Variants in TEAD4 observed in about 807,000 individuals in gnomAD.
TEAD4 encodes the protein TEA domain transcription factor 4.
TEAD4 carries 36 observed loss-of-function variants against 52.4 expected under a neutral mutation model. The ratio of observed to expected loss-of-function variants is 0.69; its 90% CI spans 0.53 to 0.91. The LOEUF is 0.91. TEAD4 is among the 40% of genes least tolerant of loss of function. The pLI is 0.00. For synonymous variants in TEAD4, 220 were observed against 231.0 expected, an observed-to-expected ratio of 0.95 and a Z score of 0.43; for missense variants, 508 against 583.9, an observed-to-expected ratio of 0.87 and a Z score of 1.34.
intron 2 of TEAD4, among the ~76,000 whole-genome samples, chr12:2,992,563 C>T (rs1326478674): frequency 6.6e-6 from 1 of 152,146 alleles, no homozygotes; most frequent in Non-Finnish European, 1.5e-5. Flanking sequence ...GCGAGGAATG[C>T]TCTGGGAGGT....
intron 3 of TEAD4, among the ~76,000 whole-genome samples, chr12:3,000,350 T>C (rs55820147): frequency 0.065 from 9,843 of 152,170 alleles, 417 homozygotes; most frequent in Non-Finnish European, 0.099. Context: ...GGCTGGGAAG[T>C]CCAAGGTTGA....
At chr12:3,019,409 T>C (rs547475052) in intron 8 of TEAD4, among the ~76,000 whole-genome samples, 1 of 152,196 alleles carries the variant, frequency 6.6e-6, no homozygotes, top group Non-Finnish European at 1.5e-5. Flanking sequence ...CCCTCAAAGC[T>C]GTGCTCAGGG....
At position 2,966,195 on chromosome 12, in the gene TEAD4, G is replaced by A. The variant is rs373028163; in HGVS notation, c.-30+6155G>A. ...AATGATCTTCTTGGTACAAGAGAAA[G>A]CAGTGTGGTCTGGCTGATACAGCAG... On this transcript the variant is annotated intron_variant, in intron 2 of 12. Coordinates refer to ENST00000359864, the MANE Select transcript of TEAD4 (RefSeq NM_003213.4). 1.1e-4 allele frequency among the ~76,000 whole-genome samples: 17 copies of A among 152,254 alleles called. No homozygotes were observed. In the East Asian group the frequency reaches 2.3e-3, roughly 21 times the overall value.
intron 2 of TEAD4, among the ~76,000 whole-genome samples, chr12:2,993,035 A>G (rs1381009729): frequency 1.3e-5 from 2 of 152,164 alleles, no homozygotes; most frequent in African/African-American, 2.4e-5. Context: ...TTTCAGAAAG[A>G]GCCTGAGTTG....
chr12:2,966,632 C>T (rs1420105753), intron 2 of TEAD4, among the ~76,000 whole-genome samples: 2 of 151,772 alleles, frequency 1.3e-5, no homozygotes, highest in South Asian at 2.1e-4. Flanking sequence ...AGACTGGTTT[C>T]GAACTCCTGA....
chr12:2,975,178 ACAAAC>A (rs1565524846), intron 2 of TEAD4, among the ~76,000 whole-genome samples: 2 of 145,088 alleles, frequency 1.4e-5, no homozygotes, highest in African/African-American at 2.5e-5. Flanking sequence ...CTTAAAACAA[ACAAAC>A]AAAAAAAGAC....
intron 5 of TEAD4, 130 bp downstream of exon 5, chr12:3,012,362 G>A (rs1437650353): frequency 2.0e-6 from 2 of 991,096 alleles, no homozygotes; most frequent in Middle Eastern, 3.1e-4. Context: ...AGGAGAGCCA[G>A]GTTGGGCCTG....
At chr12:2,970,570 GA>G (rs1375676995) in intron 2 of TEAD4, among the ~76,000 whole-genome samples, 1 of 152,220 alleles carries the variant, frequency 6.6e-6, no homozygotes, top group Non-Finnish European at 1.5e-5. Context: ...GATGTGTGTG[GA>G]AAAACCCAAT....
intron 2 of TEAD4, among the ~76,000 whole-genome samples, chr12:2,966,109 A>T (rs529931124): frequency 3.0e-4 from 45 of 152,330 alleles, no homozygotes; most frequent in African/African-American, 9.9e-4. Flanking sequence ...TCACTCTACC[A>T]AGTCTTGGAG....
At chr12:3,022,438 T>A (rs975302497) in intron 10 of TEAD4, among the ~76,000 whole-genome samples, 1 of 152,144 alleles carries the variant, frequency 6.6e-6, no homozygotes, top group Admixed American at 6.5e-5. Flanking sequence ...GGTGCTCGCG[T>A]CCAAGGCATG....
At chr12:2,987,563 T>G (rs1010297877) in intron 2 of TEAD4, among the ~76,000 whole-genome samples, 5 of 151,636 alleles carry the variant, frequency 3.3e-5, no homozygotes, top group Non-Finnish European at 7.4e-5. Flanking sequence ...GCCTCCCGAG[T>G]AGCTGGGACT....
At chr12:2,979,617 A>T (rs2098232590) in intron 2 of TEAD4, among the ~76,000 whole-genome samples, 1 of 152,224 alleles carries the variant, frequency 6.6e-6, no homozygotes, top group Non-Finnish European at 1.5e-5. Flanking sequence ...TAGAAATTTT[A>T]GCAAGTTGGC....
intron 2 of TEAD4, among the ~76,000 whole-genome samples, chr12:2,961,984 C>T (rs1337764095): frequency 1.3e-5 from 2 of 152,026 alleles, no homozygotes; most frequent in Non-Finnish European, 2.9e-5. Context: ...GCTTTGTCAC[C>T]AGAGAACAGA....
At chr12:3,021,347 T>C (rs2098268591) in intron 9 of TEAD4, among the ~76,000 whole-genome samples, 1 of 150,236 alleles carries the variant, frequency 6.7e-6, no homozygotes, top group Non-Finnish European at 1.5e-5. Flanking sequence ...CCTCACTCTG[T>C]CACCCAGGCT....
chr12:2,979,309 C>T (rs189899362), intron 2 of TEAD4, among the ~76,000 whole-genome samples: 122 of 152,318 alleles, frequency 8.0e-4, no homozygotes, highest in Non-Finnish European at 1.1e-3. Flanking sequence ...GGGCTGCTTC[C>T]CCTTTTGACT....
chr12:3,014,911 G>A (rs1268963960), intron 5 of TEAD4, among the ~76,000 whole-genome samples: 2 of 152,202 alleles, frequency 1.3e-5, no homozygotes, highest in East Asian at 1.9e-4. Flanking sequence ...CGAGGTCTTC[G>A]GGCTCGCAAG....
chr12:3,039,642 T>C (rs1214227711), intron 11 of TEAD4, among the ~76,000 whole-genome samples: 1 of 152,130 alleles, frequency 6.6e-6, no homozygotes, highest in Non-Finnish European at 1.5e-5. Context: ...TGGCCACCCA[T>C]GGAGAAAGGA....
At chr12:2,961,922 T>TAGGAATCC (rs2098215694) in intron 2 of TEAD4, among the ~76,000 whole-genome samples, 1 of 151,910 alleles carries the variant, frequency 6.6e-6, no homozygotes. Context: ...TCCGCGTCCT[T>TAGGAATCC]AGGAATCCAG....
In TEAD4 at chr12:3,022,013, T is replaced by G; in HGVS notation, c.893T>G (p.Phe298Cys). The change falls in exon 10 of 13, where the codon TTC becomes TGC. Residue 298 changes from phenylalanine to cysteine, a missense_variant. Phe to Cys is a radical substitution (Grantham distance 205). Transcript: ENST00000359864. Reference sequence around the variant, plus strand: ...TCCAATGCCTTTTTTCTTGTGAAGTTCTGGGTAAGCCTGTGATAACCCCTT... The same window carrying G: ...TCCAATGCCTTTTTTCTTGTGAAGTGCTGGGTAAGCCTGTGATAACCCCTT... 6.2e-7 allele frequency: 1 copy of G among 1,614,116 alleles called. No homozygotes were observed. Among genetic ancestry groups the G allele is most frequent in the Non-Finnish European group, 8.5e-7 (1 of 1,179,974 alleles).
Sources: allele counts gnomAD v4.1 joint callset (sites outside exome capture counted in the v4.1 genomes callset), GRCh38; gene constraint gnomAD v4.1.1; transcripts MANE v1.5; gene names NCBI Gene and HGNC (gene_info 2026-07-23, HGNC 2026-07-21).